Variants in YJU2B observed in about 807,000 individuals in gnomAD.
YJU2B encodes the protein YJU2 splicing factor homolog B, also known as probable splicing factor YJU2B.
A neutral mutation model predicts 38.0 loss-of-function variants in YJU2B; 18 were observed. That is an observed-to-expected ratio of 0.47 (90% confidence interval 0.33 to 0.70). YJU2B has a LOEUF of 0.70. YJU2B is among the 30% of genes least tolerant of loss of function. The pLI is 0.02. For synonymous variants in YJU2B, 246 were observed against 225.4 expected, an observed-to-expected ratio of 1.09 and a Z score of -0.82; for missense variants, 538 against 556.3, an observed-to-expected ratio of 0.97 and a Z score of 0.33.
chr19:13,755,242 C>CCCAA (rs1320425871), intron 3 of YJU2B, among the ~76,000 whole-genome samples: 2 of 151,056 alleles, frequency 1.3e-5, no homozygotes, highest in African/African-American at 4.9e-5. Context: ...GCAGGTGGAT[C>CCCAA]ACCAGGTCGA....
At position 13,751,938 on chromosome 19, in the gene YJU2B, GCAGTGGGT is replaced by G. The variant is rs1213340159; in HGVS notation, c.3+129_3+136del. The G allele has an allele frequency of 1.6e-5, 14 of 902,206 alleles. No homozygotes were observed. In the Admixed American group the frequency reaches 2.8e-4, roughly 18 times the overall value. The allele number at this position is 902,206 out of a possible 1,614,324, so 55.9% of individuals were successfully genotyped here. On this transcript the variant is annotated intron_variant, in intron 2 of 9. Coordinates refer to ENST00000221554, the MANE Select transcript of YJU2B (RefSeq NM_030818.4). Reference sequence around the variant, plus strand: ...AATCTCCGGGTCATCATCTTTTGGTGCAGTGGGTCTGAAATGTGGCTTTGCGCTAACAT... The same window carrying G: ...AATCTCCGGGTCATCATCTTTTGGTGCTGAAATGTGGCTTTGCGCTAACAT...
At chr19:13,746,580 G>A (rs1275743505), upstream of YJU2B, among the ~76,000 whole-genome samples, 1 of 152,142 alleles carries the variant, frequency 6.6e-6, no homozygotes, top group Non-Finnish European at 1.5e-5. Flanking sequence ...ATGTACCTAT[G>A]CAGGGGAGTC....
chr19:13,739,474 CTA>C (rs1973038574), intron 2 of YJU2B, among the ~76,000 whole-genome samples: 3 of 27,318 alleles, frequency 1.1e-4, no homozygotes, highest in Non-Finnish European at 2.5e-4. Flanking sequence ...TCCTTCAACT[CTA>C]CTCTATGGAT....
rs538807721 is a variant in YJU2B at position 13,752,481 on chromosome 19, C to T, written c.3+670C>T. Among the ~76,000 whole-genome samples the T allele has an allele frequency of 9.2e-5, 14 of 152,196 alleles. No individual in the cohort carries two copies. In the South Asian group the frequency reaches 2.3e-3, roughly 25 times the overall value. ...AAATTAGGCTGGGCGCGGTGGCTCA[C>T]GCCTGTAATCCCAGCACTTTGCGAG... On this transcript the variant is annotated intron_variant, in intron 2 of 9. Coordinates refer to ENST00000221554, the MANE Select transcript of YJU2B (RefSeq NM_030818.4).
chr19:13,745,740 T>G (rs529611263), upstream of YJU2B, among the ~76,000 whole-genome samples: 123 of 93,258 alleles, frequency 1.3e-3, no homozygotes, highest in African/African-American at 3.9e-3. Flanking sequence ...TATATATATA[T>G]ATAGATATAT....
At chr19:13,752,806 A>G (rs887738901) in intron 2 of YJU2B, among the ~76,000 whole-genome samples, 2 of 151,964 alleles carry the variant, frequency 1.3e-5, no homozygotes, top group African/African-American at 4.8e-5. Context: ...CCTGCTACTC[A>G]GGAGGCTAAG....
At position 13,762,963 on chromosome 19, in the gene YJU2B, G is replaced by A. The variant is rs201523259; in HGVS notation, c.1086G>A (p.Ser362=). 142 of 1,611,592 alleles carry A rather than the reference G, an allele frequency of 8.8e-5. No homozygotes were observed. Among genetic ancestry groups the A allele is most frequent in the Non-Finnish European group, 1.2e-4 (140 of 1,179,578 alleles). The change falls in exon 10 of 10, where the codon TCG becomes TCA. Residue 362 remains serine (S), a synonymous_variant. Transcript: ENST00000221554. The stretch of plus-strand genomic sequence containing the variant: ...GGAGCCGTCAGGACAAGCCCCTGTC[G>A]CCAGCAGGCTCCTCCCAGGAGGCAG... ...QEGSRQDKPL[S]PAGSSQEAAD... is the part of the protein sequence containing the mutation.
intron 1 of YJU2B, among the ~76,000 whole-genome samples, chr19:13,751,106 G>A (rs1973445021): frequency 6.6e-6 from 1 of 152,066 alleles, no homozygotes. Context: ...AAGCAGGAGA[G>A]TGACACGTTT....
chr19:13,745,646 C>CATAA (rs1973210205), upstream of YJU2B, among the ~76,000 whole-genome samples: 1 of 116,374 alleles, frequency 8.6e-6, no homozygotes, highest in Non-Finnish European at 1.7e-5. Flanking sequence ...AGCAAAACTC[C>CATAA]ATAGATAGAT....
intron 2 of YJU2B, among the ~76,000 whole-genome samples, chr19:13,742,101 C>T (rs948853897): frequency 1.1e-5 from 1 of 91,102 alleles, no homozygotes. Flanking sequence ...CAATGAAGTT[C>T]TGCCCTCACC....
intron 1 of YJU2B, among the ~76,000 whole-genome samples, chr19:13,748,880 C>T (rs1332225735): frequency 1.3e-5 from 2 of 152,182 alleles, no homozygotes; most frequent in Non-Finnish European, 2.9e-5. Context: ...AAAGGACACA[C>T]TTTATAGTTG....
chr19:13,745,682 G>GAT (rs1555699803), upstream of YJU2B, among the ~76,000 whole-genome samples: 376 of 43,942 alleles, frequency 8.6e-3, 1 homozygote, highest in Middle Eastern at 0.031. Context: ...TAGATAGATA[G>GAT]ATAGATAGAT....
intron 2 of YJU2B, among the ~76,000 whole-genome samples, chr19:13,735,763 C>G (rs958881773): frequency 6.6e-6 from 1 of 152,070 alleles, no homozygotes; most frequent in East Asian, 1.9e-4. Flanking sequence ...TTAAAACTGG[C>G]CTCTTGCGGC....
chr19:13,751,372 G>A (rs930929802), intron 1 of YJU2B, among the ~76,000 whole-genome samples: 13 of 152,048 alleles, frequency 8.5e-5, no homozygotes, highest in Non-Finnish European at 2.9e-5. Context: ...CAGAGATCGC[G>A]CCACTGCACT....
upstream of YJU2B, among the ~76,000 whole-genome samples, chr19:13,745,609 C>CAT (rs1374144111): frequency 1.3e-5 from 2 of 150,072 alleles, no homozygotes; most frequent in Admixed American, 1.3e-4. Context: ...CAAGATTGTG[C>CAT]CTTTGCTCTC....
intron 2 of YJU2B, among the ~76,000 whole-genome samples, chr19:13,732,969 AC>A: frequency 7.5e-6 from 1 of 134,002 alleles, no homozygotes; most frequent in Admixed American, 7.8e-5. Flanking sequence ...TTGCTCTGTC[AC>A]CCAGGCTGGA....
At chr19:13,755,518 G>A (rs1973633164) in intron 3 of YJU2B, among the ~76,000 whole-genome samples, 2 of 151,836 alleles carry the variant, frequency 1.3e-5, no homozygotes, top group Admixed American at 1.3e-4. Flanking sequence ...ATGTTTGCCA[G>A]TCTTGTCACC....
chr19:13,757,924 G>T (rs553185921), intron 6 of YJU2B, 78 bp downstream of exon 6: 11 of 1,278,188 alleles, frequency 8.6e-6, no homozygotes, highest in Non-Finnish European at 1.2e-5. Context: ...CCTGAGTTGC[G>T]GGGGGAACCC....
At position 13,763,153 on chromosome 19, in the gene YJU2B, G is replaced by T. The variant is rs1013958429; in HGVS notation, c.*85G>T. The T allele has an allele frequency of 1.1e-5, 13 of 1,144,956 alleles. No homozygotes were observed. The highest frequency in any genetic ancestry group is 1.6e-5 in the Non-Finnish European group (13 of 817,156). 70.9% of individuals were successfully genotyped at this position (1,144,956 alleles called of 1,614,324 possible). On this transcript the variant is annotated 3_prime_UTR_variant, in exon 10 of 10. Transcript: ENST00000221554. ...CTCACAGACTGCAGACCCCCGGCTC[G>T]CCCACCAGCCCTGGGAGAGCTCAGA...
Sources: gnomAD v4.1 joint callset for allele counts (sites outside exome capture counted in the v4.1 genomes callset) on GRCh38, gnomAD v4.1.1 for gene constraint, MANE v1.5 for transcripts, NCBI Gene and HGNC (gene_info 2026-07-23, HGNC 2026-07-21) for gene names.